Variants in HEMK2 observed in about 807,000 individuals in gnomAD.
HEMK2 encodes methyltransferase HEMK2.
the HEMK2 span, among the ~76,000 whole-genome samples, chr21:28,798,530 T>C: frequency 1.3e-5 from 2 of 152,274 alleles, no homozygotes; most frequent in Non-Finnish European, 2.9e-5. Flanking sequence ...ATAATTGTTC[T>C]ATTTATCACC....
the HEMK2 span, among the ~76,000 whole-genome samples, chr21:28,812,277 G>T: frequency 1.3e-5 from 2 of 152,088 alleles, no homozygotes; most frequent in East Asian, 3.8e-4. Flanking sequence ...TTGGCTGTGG[G>T]TTGGTCATAA....
the HEMK2 span, among the ~76,000 whole-genome samples, chr21:28,578,453 A>G: frequency 6.6e-6 from 1 of 152,214 alleles, no homozygotes; most frequent in Non-Finnish European, 1.5e-5. Context: ...CGATATTGAC[A>G]GTACTTGTTA....
chr21:28,711,497 A>G, the HEMK2 span, among the ~76,000 whole-genome samples: 20 of 152,270 alleles, frequency 1.3e-4, no homozygotes, highest in South Asian at 4.2e-3. Flanking sequence ...GGCTGCTAGA[A>G]CAGTTGGGGA....
chr21:28,650,309 C>T, the HEMK2 span, among the ~76,000 whole-genome samples: 86 of 151,960 alleles, frequency 5.7e-4, no homozygotes, highest in African/African-American at 2.1e-3. Flanking sequence ...GCAGGAGAAT[C>T]GTTTGAACCA....
the HEMK2 span, among the ~76,000 whole-genome samples, chr21:28,632,120 G>T: frequency 1.4e-4 from 22 of 152,304 alleles, 1 homozygote; most frequent in East Asian, 4.1e-3. Context: ...AACAATGAGT[G>T]AGTTGAATAA....
the HEMK2 span, among the ~76,000 whole-genome samples, chr21:28,625,683 A>C: frequency 6.6e-6 from 1 of 152,074 alleles, no homozygotes; most frequent in East Asian, 1.9e-4. Flanking sequence ...ATGCCACTGC[A>C]CTCCAGCCTA....
the HEMK2 span, among the ~76,000 whole-genome samples, chr21:28,869,065 T>C: frequency 6.6e-6 from 1 of 152,178 alleles, no homozygotes; most frequent in Non-Finnish European, 1.5e-5. Context: ...TCGTTTCTGA[T>C]TCTTATAGGG....
the HEMK2 span, among the ~76,000 whole-genome samples, chr21:28,730,858 G>A: frequency 1.3e-5 from 2 of 152,052 alleles, no homozygotes; most frequent in Non-Finnish European, 2.9e-5. Flanking sequence ...CATTCAAGAG[G>A]AAGAGATTAT....
At chr21:28,679,067 G>A in the HEMK2 span, among the ~76,000 whole-genome samples, 2 of 152,112 alleles carry the variant, frequency 1.3e-5, no homozygotes, top group Non-Finnish European at 2.9e-5. Flanking sequence ...ATGTAAATGG[G>A]CTAAATGCTC....
At chr21:28,635,970 T>C in the HEMK2 span, among the ~76,000 whole-genome samples, 1 of 152,262 alleles carries the variant, frequency 6.6e-6, no homozygotes, top group Middle Eastern at 3.4e-3. Context: ...TGGTGGCTAT[T>C]GGACAACACA....
chr21:28,866,175 A>AAAAAAAAAAACAAAAAAAC, the HEMK2 span, among the ~76,000 whole-genome samples: 6 of 76,234 alleles, frequency 7.9e-5, no homozygotes, highest in African/African-American at 3.1e-4. Flanking sequence ...CAAAAAAAAA[A>AAAAAAAAAAACAAAAAAAC]ACACACACAC....
At chr21:28,784,190 AGGATCCACTAGGTGAAG>A in the HEMK2 span, among the ~76,000 whole-genome samples, 1 of 152,248 alleles carries the variant, frequency 6.6e-6, no homozygotes, top group East Asian at 1.9e-4. Context: ...GCCCCGGTGT[AGGATCCACTAGGTGAAG>A]CCAGCTGGCC....
the HEMK2 span, among the ~76,000 whole-genome samples, chr21:28,800,322 A>G: frequency 6.6e-6 from 1 of 152,014 alleles, no homozygotes; most frequent in Non-Finnish European, 1.5e-5. Context: ...CAACCCAACC[A>G]CTAAGAAATC....
chr21:28,864,013 T>C, the HEMK2 span, among the ~76,000 whole-genome samples: 3 of 151,934 alleles, frequency 2.0e-5, no homozygotes, highest in Non-Finnish European at 4.4e-5. Flanking sequence ...ATTTTTTTAG[T>C]AGAGGCAGGG....
the HEMK2 span, among the ~76,000 whole-genome samples, chr21:28,594,476 A>G: frequency 6.6e-6 from 1 of 152,182 alleles, no homozygotes; most frequent in Non-Finnish European, 1.5e-5. Flanking sequence ...ATGTTTCTGT[A>G]CACTTAAACT....
chr21:28,795,019 T>C, the HEMK2 span, among the ~76,000 whole-genome samples: 13 of 152,308 alleles, frequency 8.5e-5, no homozygotes, highest in South Asian at 2.1e-4. Context: ...TATATTCAAA[T>C]AGAACACTAC....
the HEMK2 span, among the ~76,000 whole-genome samples, chr21:28,592,786 T>C: frequency 6.6e-6 from 1 of 152,236 alleles, no homozygotes; most frequent in Non-Finnish European, 1.5e-5. Flanking sequence ...GTTGCTGTTG[T>C]TTAACAGCTG....
the HEMK2 span, among the ~76,000 whole-genome samples, chr21:28,814,047 C>G: frequency 2.6e-5 from 4 of 152,206 alleles, no homozygotes; most frequent in African/African-American, 9.6e-5. Context: ...ACCATCCTGG[C>G]CAACATGGTG....
the HEMK2 span, among the ~76,000 whole-genome samples, chr21:28,676,418 C>T: frequency 6.6e-6 from 1 of 152,188 alleles, no homozygotes. Flanking sequence ...TTTCCAAATA[C>T]AGTCACTTTC....
Sources: allele counts gnomAD v4.1 joint callset (sites outside exome capture counted in the v4.1 genomes callset), GRCh38; gene constraint gnomAD v4.1.1; transcripts MANE v1.5; gene names NCBI Gene and HGNC (gene_info 2026-07-23, HGNC 2026-07-21).